The following DCHS2 variants were observed in gnomAD, a reference collection of about 807,000 sequenced individuals.
The protein encoded by DCHS2 is protocadherin-23.
In DCHS2, 142 loss-of-function variants were observed where a neutral mutation model predicts 182.4. The observed-to-expected ratio is 0.78, with a 90% CI of 0.68 to 0.89. The LOEUF is 0.89. DCHS2 is among the 40% of genes least tolerant of loss of function. The pLI, the probability that DCHS2 is intolerant of heterozygous loss-of-function variation, is 0.00. For synonymous variants in DCHS2, 1,740 were observed against 1,663.3 expected (o/e 1.05, Z -1.12); for missense variants, 4,319 against 4,198.6 (o/e 1.03, Z -0.79).
chr4:154,469,686 C>A (rs545554914), intron 1 of DCHS2, among the ~76,000 whole-genome samples: 1 of 152,210 alleles, frequency 6.6e-6, no homozygotes, highest in Non-Finnish European at 1.5e-5. Context: ...AGTGGTCTTC[C>A]TTCTGTCCCT....
chr4:154,260,817 C>G, intron 14 of DCHS2, among the ~76,000 whole-genome samples: 1 of 152,154 alleles, frequency 6.6e-6, no homozygotes, highest in East Asian at 1.9e-4. Flanking sequence ...CAGTGTCTGG[C>G]TCAGGGTCTG....
At chr4:154,422,601 T>C (rs916295544) in intron 1 of DCHS2, among the ~76,000 whole-genome samples, 5 of 152,170 alleles carry the variant, frequency 3.3e-5, no homozygotes, top group Non-Finnish European at 5.9e-5. Context: ...CTAGAAAACA[T>C]ATATATACCC....
chr4:154,429,944 C>T (rs1467124820), intron 1 of DCHS2, among the ~76,000 whole-genome samples: 1 of 152,064 alleles, frequency 6.6e-6, no homozygotes, highest in African/African-American at 2.4e-5. Context: ...TAACATTAAC[C>T]CATGTCATGG....
chr4:154,239,415 A>G, intron 18 of DCHS2, 113 bp from the exon 19 acceptor site: 2 of 1,483,096 alleles, frequency 1.3e-6, no homozygotes, highest in Middle Eastern at 1.8e-4. Flanking sequence ...AAACCATACA[A>G]TACAACCTGA....
chr4:154,236,120 A>G lies in DCHS2; in HGVS notation c.8532T>C (p.Asn2844=). ...IHAKQILDYE[N]GNKYCLTVQA... Reference sequence around the variant, plus strand: ...GGACTGTGAGGCAGTATTTATTGCCATTTTCATAGTCAAGGATTTGCTTAG... The same window carrying G: ...GGACTGTGAGGCAGTATTTATTGCCGTTTTCATAGTCAAGGATTTGCTTAG... Residue 2844 remains asparagine, a synonymous_variant, in exon 20 of 20, where the codon AAT becomes AAC. Coordinates refer to ENST00000357232, the MANE Select transcript of DCHS2 (RefSeq NM_001358235.2). 6.2e-7 allele frequency: 1 copy of G among 1,613,714 alleles called. No homozygotes were observed. The highest frequency in any genetic ancestry group is 8.5e-7 in the Non-Finnish European group (1 of 1,179,938).
intron 16 of DCHS2, among the ~76,000 whole-genome samples, chr4:154,252,350 C>A (rs1732411283): frequency 6.6e-6 from 1 of 152,090 alleles, no homozygotes; most frequent in South Asian, 2.1e-4. Flanking sequence ...TAATTATAAT[C>A]TTTTTGTTAT....
At chr4:154,297,763 C>A in intron 13 of DCHS2, 88 bp downstream of exon 13, 11 of 1,511,498 alleles carry the variant, frequency 7.3e-6, no homozygotes, top group Non-Finnish European at 9.7e-6. Flanking sequence ...TAACTGAATG[C>A]GCAATGGCAC....
In DCHS2 at chr4:154,240,795, A is replaced by T; in HGVS notation, c.7101T>A (p.His2367Gln). ...EDSLPGVIVT[H>Q]VSVHDVDLNS... The stretch of plus-strand genomic sequence containing the variant: ...TCAAATCCACATCATGAACTGACAC[A>T]TGAGTCACAATTACACCAGGCAAAG... Residue 2367 changes from histidine (H) to glutamine (Q), a missense_variant, in exon 18 of 20, where the codon CAT becomes CAA. Physicochemically the swap from His to Gln is conservative, Grantham distance 24. Transcript: ENST00000357232. 6.2e-7 allele frequency: 1 copy of T among 1,613,792 alleles called. No homozygotes were observed. The highest frequency in any genetic ancestry group is 8.5e-7 in the Non-Finnish European group (1 of 1,179,838).
chr4:154,336,431 G>A (rs141887355), intron 3 of DCHS2, among the ~76,000 whole-genome samples: 22 of 152,238 alleles, frequency 1.4e-4, no homozygotes, highest in Admixed American at 9.8e-4. Flanking sequence ...GAACAAATAC[G>A]TATGGCTGGC....
At chr4:154,264,981 G>A (rs1027805654) in intron 14 of DCHS2, among the ~76,000 whole-genome samples, 1 of 152,124 alleles carries the variant, frequency 6.6e-6, no homozygotes, top group Non-Finnish European at 1.5e-5. Context: ...TATTACTCAG[G>A]AAGAGAATAT....
chr4:154,383,832 A>G (rs1365750837), intron 1 of DCHS2, among the ~76,000 whole-genome samples: 3 of 152,214 alleles, frequency 2.0e-5, no homozygotes, highest in African/African-American at 7.2e-5. Flanking sequence ...TGTGAAAAAA[A>G]ATAAAAACGT....
chr4:154,283,371 A>G (rs1175704723), intron 13 of DCHS2, among the ~76,000 whole-genome samples: 2 of 152,186 alleles, frequency 1.3e-5, no homozygotes, highest in Non-Finnish European at 1.5e-5. Context: ...AAAATGGTAT[A>G]CATTCTTAAA....
chr4:154,351,590 A>T (rs895893817), intron 3 of DCHS2, among the ~76,000 whole-genome samples: 2 of 152,150 alleles, frequency 1.3e-5, no homozygotes, highest in African/African-American at 2.4e-5. Flanking sequence ...GTGATCCTCA[A>T]CCTTTTTGGT....
intron 1 of DCHS2, among the ~76,000 whole-genome samples, chr4:154,460,416 T>C (rs1251065371): frequency 6.6e-6 from 1 of 152,190 alleles, no homozygotes; most frequent in Non-Finnish European, 1.5e-5. Context: ...GCATCCTGAC[T>C]CCACCATGTA....
At chr4:154,240,185 G>A (rs1200722771) in intron 18 of DCHS2, among the ~76,000 whole-genome samples, 3 of 151,548 alleles carry the variant, frequency 2.0e-5, no homozygotes, top group Non-Finnish European at 4.4e-5. Context: ...CCAAAAATAT[G>A]CCTATGAAAG....
chr4:154,387,579 G>A (rs1227607748), intron 1 of DCHS2, among the ~76,000 whole-genome samples: 1 of 152,030 alleles, frequency 6.6e-6, no homozygotes, highest in African/African-American at 2.4e-5. Flanking sequence ...ATCATTTAAA[G>A]TACAAAGAAT....
chr4:154,400,410 G>C (rs1732121085), intron 1 of DCHS2, among the ~76,000 whole-genome samples: 2 of 151,146 alleles, frequency 1.3e-5, no homozygotes, highest in South Asian at 4.2e-4. Context: ...CAGGAAATCA[G>C]AAATGTACAC....
intron 1 of DCHS2, among the ~76,000 whole-genome samples, chr4:154,414,922 A>C (rs573548678): frequency 1.3e-5 from 2 of 152,324 alleles, no homozygotes; most frequent in East Asian, 3.9e-4. Flanking sequence ...GAACACAGCC[A>C]TTCAACAGTG....
chr4:154,387,726 A>G (rs970810535), intron 1 of DCHS2, among the ~76,000 whole-genome samples: 3 of 152,164 alleles, frequency 2.0e-5, no homozygotes, highest in Admixed American at 6.5e-5. Context: ...TTATGTCAAA[A>G]ATATACACAA....
Sources: gnomAD v4.1 joint callset for allele counts (sites outside exome capture counted in the v4.1 genomes callset) on GRCh38, gnomAD v4.1.1 for gene constraint, MANE v1.5 for transcripts, NCBI Gene and HGNC (gene_info 2026-07-23, HGNC 2026-07-21) for gene names.